DICER1: variants seen among roughly 807,000 people sequenced by gnomAD.
The protein encoded by DICER1 is endoribonuclease Dicer.
Under a neutral mutation model 194.1 loss-of-function variants are expected in DICER1, and 43 were observed. The observed-to-expected ratio is 0.22, with a 90% CI of 0.17 to 0.29. The LOEUF (loss-of-function observed/expected upper bound fraction) is 0.29, where lower values mean the gene tolerates loss of function less well. Among genes scored for constraint, DICER1 ranks in the 10% least tolerant of loss-of-function variants. The pLI is 1.00. For missense variants in DICER1, 1,608 were observed against 2,317.0 expected, an observed-to-expected ratio of 0.69 and a Z score of 6.28; for synonymous variants, 832 against 820.5, an observed-to-expected ratio of 1.01 and a Z score of -0.24.
At chr14:95,156,651 A>G (rs998515598) in intron 1 of DICER1, among the ~76,000 whole-genome samples, 3 of 152,244 alleles carry the variant, frequency 2.0e-5, no homozygotes, top group African/African-American at 7.2e-5. Context: ...GCACAAAAAC[A>G]TCTGAGGGGA....
intron 10 of DICER1, among the ~76,000 whole-genome samples, chr14:95,116,080 C>T (rs958767769): frequency 5.3e-5 from 8 of 151,944 alleles, no homozygotes; most frequent in Non-Finnish European, 1.0e-4. Context: ...CACACACACA[C>T]ACACACACAC....
chr14:95,139,208 A>G (rs1472339615), intron 1 of DICER1, among the ~76,000 whole-genome samples: 4 of 152,226 alleles, frequency 2.6e-5, no homozygotes, highest in Non-Finnish European at 5.9e-5. Flanking sequence ...CTTGGGGTAT[A>G]GTCTTAATCC....
chr14:95,135,276 C>T (rs1894275220), intron 1 of DICER1, among the ~76,000 whole-genome samples: 2 of 152,138 alleles, frequency 1.3e-5, no homozygotes, highest in Non-Finnish European at 2.9e-5. Flanking sequence ...AAATGCTAAT[C>T]CTAGACTTAT....
intron 1 of DICER1, among the ~76,000 whole-genome samples, chr14:95,138,990 A>T (rs559725627): frequency 0.095 from 3,737 of 39,206 alleles, 64 homozygotes; most frequent in African/African-American, 0.19. Context: ...AATAAATAAA[A>T]AAATAAAAAA....
chr14:95,110,047 A>G (rs1408019613), intron 14 of DICER1, among the ~76,000 whole-genome samples: 1 of 152,252 alleles, frequency 6.6e-6, no homozygotes, highest in Non-Finnish European at 1.5e-5. Context: ...GAAACTGGCT[A>G]AGGGAAACAA....
At chr14:95,101,174 GC>G (rs530306376) in intron 21 of DICER1, among the ~76,000 whole-genome samples, 179 of 152,282 alleles carry the variant, frequency 1.2e-3, no homozygotes, top group African/African-American at 3.9e-3. Flanking sequence ...CAGAGCAAGG[GC>G]CCCAAGGCTG....
intron 11 of DICER1, among the ~76,000 whole-genome samples, chr14:95,113,939 A>C (rs1286744278): frequency 1.3e-5 from 2 of 152,218 alleles, no homozygotes; most frequent in Non-Finnish European, 2.9e-5. Flanking sequence ...TATTTTGAGG[A>C]CAATGGGAGC....
At chr14:95,100,846 A>C (rs1215714437) in intron 21 of DICER1, among the ~76,000 whole-genome samples, 1 of 152,196 alleles carries the variant, frequency 6.6e-6, no homozygotes, top group African/African-American at 2.4e-5. Flanking sequence ...AGCAGGACAG[A>C]GGGGCAGTCC....
chr14:95,152,577 A>G (rs559056746), intron 1 of DICER1, among the ~76,000 whole-genome samples: 1 of 152,356 alleles, frequency 6.6e-6, no homozygotes, highest in East Asian at 1.9e-4. Flanking sequence ...TAAAAAACAA[A>G]AAGAAAAAAC....
intron 1 of DICER1, among the ~76,000 whole-genome samples, chr14:95,136,421 A>G (rs1894378395): frequency 6.6e-6 from 1 of 152,040 alleles, no homozygotes; most frequent in Non-Finnish European, 1.5e-5. Context: ...TCGATCACTC[A>G]GGCTGAGTGC....
intron 8 of DICER1, among the ~76,000 whole-genome samples, 168 bp from the exon 9 acceptor site, chr14:95,117,922 C>G (rs1342520974): frequency 2.6e-5 from 4 of 152,182 alleles, no homozygotes; most frequent in Non-Finnish European, 5.9e-5. Flanking sequence ...CACTGTCACT[C>G]TTCACCACAT....
rs1889812330 is a variant in DICER1 at position 95,091,312 on chromosome 14, C to T, written c.5418G>A (p.Lys1806=). The stretch of plus-strand genomic sequence containing the variant: ...GCGACTCAAAAATATCCCCCATGGC[C>T]TTTGGAACTTCAATATCCTCTTCTT... The part of the protein sequence containing the change: ...EEKEEDIEVP[K]AMGDIFESLA... Residue 1806 remains lysine (K), a synonymous_variant, in exon 25 of 27, where the codon AAG becomes AAA. Coordinates refer to ENST00000343455, the MANE Select transcript of DICER1 (RefSeq NM_177438.3). The T allele has an allele frequency of 1.9e-6, 3 of 1,613,942 alleles. No homozygotes were observed. The highest frequency in any genetic ancestry group is 4.5e-5 in the East Asian group (2 of 44,890).
intron 21 of DICER1, among the ~76,000 whole-genome samples, chr14:95,103,102 G>T (rs1891037038): frequency 6.6e-6 from 1 of 152,158 alleles, no homozygotes; most frequent in Non-Finnish European, 1.5e-5. Flanking sequence ...AGTAAGGCAC[G>T]TGGAGATCAG....
chr14:95,122,913 A>C (rs936299109), intron 8 of DICER1, among the ~76,000 whole-genome samples: 4 of 152,020 alleles, frequency 2.6e-5, no homozygotes, highest in African/African-American at 7.2e-5. Flanking sequence ...GAAGCAGTTA[A>C]GCGCGTGTGC....
chr14:95,139,255 T>C (rs1467756375), intron 1 of DICER1, among the ~76,000 whole-genome samples: 4 of 152,214 alleles, frequency 2.6e-5, no homozygotes, highest in Non-Finnish European at 5.9e-5. Context: ...TGAATTCTTA[T>C]TTAGAAAATT....
rs180926609 is a variant in DICER1, at chr14:95,090,208, C to T, written c.*290G>A. On this transcript the variant is annotated 3_prime_UTR_variant, in exon 27 of 27. Transcript: ENST00000343455. ...AACAAAACCTGTCAATTATTTTGAGCACTTGCTAAATGTCATCATTAAAGC... is the reference window on the plus strand; with the variant it reads ...AACAAAACCTGTCAATTATTTTGAGTACTTGCTAAATGTCATCATTAAAGC... 3 of 445,192 alleles carry T rather than the reference C, an allele frequency of 6.7e-6. No individual in the cohort carries two copies. The highest frequency in any genetic ancestry group is 7.9e-5 in the Admixed American group (2 of 25,460). The allele number at this position is 445,192 out of a possible 1,614,324, so 27.6% of individuals were successfully genotyped here.
intron 6 of DICER1, 73 bp downstream of exon 6, chr14:95,129,399 C>A (rs1893750651): frequency 6.9e-7 from 1 of 1,455,142 alleles, no homozygotes. Context: ...CTGCAAGGTA[C>A]TACAAAAACA....
chr14:95,120,104 AG>A (rs763136140), intron 8 of DICER1, among the ~76,000 whole-genome samples: 3 of 152,232 alleles, frequency 2.0e-5, no homozygotes, highest in Non-Finnish European at 2.9e-5. Flanking sequence ...TAAGAGGAAA[AG>A]AAATTCAAAG....
At chr14:95,095,404 A>C (rs1021992679) in intron 23 of DICER1, 21 of 221,842 alleles carry the variant, frequency 9.5e-5, no homozygotes, top group African/African-American at 4.9e-4. Flanking sequence ...AAGACCCTAA[A>C]GGAGGGGTCT....
Sources: allele counts gnomAD v4.1 joint callset (sites outside exome capture counted in the v4.1 genomes callset), GRCh38; gene constraint gnomAD v4.1.1; transcripts MANE v1.5; gene names NCBI Gene and HGNC (gene_info 2026-07-23, HGNC 2026-07-21).